KIF26B: variants seen among roughly 807,000 people sequenced by gnomAD.
The protein encoded by KIF26B is kinesin-like protein KIF26B.
KIF26B carries 63 observed loss-of-function variants against 151.2 expected under a neutral mutation model. That is an observed-to-expected ratio of 0.42 (90% confidence interval 0.34 to 0.51). The LOEUF (loss-of-function observed/expected upper bound fraction) is 0.51, where lower values mean the gene tolerates loss of function less well. KIF26B is among the 20% of genes least tolerant of loss of function. The pLI is 0.07. For synonymous variants in KIF26B, 1,357 were observed against 1,262.1 expected (o/e 1.08, Z -1.59); for missense variants, 2,813 against 2,913.6 (o/e 0.97, Z 0.79).
At chr1:245,271,566 T>C (rs904841424) in intron 2 of KIF26B, among the ~76,000 whole-genome samples, 1 of 151,808 alleles carries the variant, frequency 6.6e-6, no homozygotes, top group Non-Finnish European at 1.5e-5. Flanking sequence ...GAAAGGATGT[T>C]GAATTCAGTC....
At chr1:245,202,802 A>G (rs1669325498) in intron 2 of KIF26B, among the ~76,000 whole-genome samples, 1 of 143,032 alleles carries the variant, frequency 7.0e-6, no homozygotes. Flanking sequence ...ACAGCCGGGC[A>G]TGGTGGCGCA....
chr1:245,494,379 C>G (rs557206206), intron 4 of KIF26B, among the ~76,000 whole-genome samples: 1 of 152,270 alleles, frequency 6.6e-6, no homozygotes, highest in East Asian at 1.9e-4. Context: ...AGATACCCCA[C>G]TGGGATCCTT....
intron 2 of KIF26B, among the ~76,000 whole-genome samples, chr1:245,231,008 T>C (rs1573722510): frequency 6.6e-6 from 1 of 151,544 alleles, no homozygotes; most frequent in Non-Finnish European, 1.5e-5. Flanking sequence ...ATCTCAGGCA[T>C]GAAGACGAGA....
At chr1:245,388,770 G>A (rs1673615268) in intron 3 of KIF26B, among the ~76,000 whole-genome samples, 1 of 152,222 alleles carries the variant, frequency 6.6e-6, no homozygotes, top group Non-Finnish European at 1.5e-5. Context: ...TAGCAATGCT[G>A]CTCTGAGTCT....
Position 245,184,050 on chromosome 1 carries a change from G to GTTTGTTTTTTTTTTTTTTTTTTT in KIF26B, c.465+27370_465+27371insGTTTTTTTTTTTTTTTTTTTTTT, listed in dbSNP as rs1668954964. Among the ~76,000 whole-genome samples, 13 of 19,808 alleles carry GTTTGTTTTTTTTTTTTTTTTTTT rather than the reference G, an allele frequency of 6.6e-4. 1 individual carries two copies. The highest frequency in any genetic ancestry group is 1.7e-3 in the African/African-American group (11 of 6,610). 13.0% of individuals were successfully genotyped at this position (19,808 alleles called of 152,430 possible). A position where few individuals can be genotyped will look rare whatever the true frequency, so the allele number is the denominator to read the frequency against. On this transcript the variant is annotated intron_variant, in intron 2 of 14. Coordinates refer to ENST00000407071, the MANE Select transcript of KIF26B (RefSeq NM_018012.4). Reference sequence around the variant, plus strand: ...GCAACAGGTATGGGTGGGAGTTGTTGTTTTTTTTTTTTTTTTTTTGAGCTT... The same window carrying GTTTGTTTTTTTTTTTTTTTTTTT: ...GCAACAGGTATGGGTGGGAGTTGTTGTTTGTTTTTTTTTTTTTTTTTTTTTTTTTTTTTTTTTTTTTTGAGCTT...
rs995742903 is a variant in KIF26B at position 245,261,586 on chromosome 1, TTTTC to T, written c.465+104913_465+104916del. 6.4e-4 allele frequency among the ~76,000 whole-genome samples: 94 copies of T among 147,198 alleles called. 1 individual carries two copies. Among genetic ancestry groups the T allele is most frequent in the African/African-American group, 2.0e-3 (81 of 40,096 alleles). ...GTCCCTCTCTTTCTCTCGTTCTCTCTTTTCTTTCTTTCTCTCAAGACAGGGTCTA... is the reference window on the plus strand; with the variant it reads ...GTCCCTCTCTTTCTCTCGTTCTCTCTTTTCTTTCTCTCAAGACAGGGTCTA... On this transcript the variant is annotated intron_variant, in intron 2 of 14. Transcript: ENST00000407071.
At chr1:245,339,955 C>A (rs971650978) in intron 2 of KIF26B, among the ~76,000 whole-genome samples, 4 of 152,214 alleles carry the variant, frequency 2.6e-5, no homozygotes, top group Non-Finnish European at 4.4e-5. Context: ...CTCTAGCCTA[C>A]CCCAGGCCCA....
Position 245,687,897 on chromosome 1 carries a change from A to G in KIF26B, c.4914A>G (p.Pro1638=). 1 of 1,590,990 alleles carries G rather than the reference A, an allele frequency of 6.3e-7. No homozygotes were observed. Among genetic ancestry groups the G allele is most frequent in the African/African-American group, 1.3e-5 (1 of 74,400 alleles). The change falls in exon 12 of 15, where the codon CCA becomes CCG. Residue 1638 remains proline, a synonymous_variant. Transcript: ENST00000407071. This position sits in a 1 kb window ranked among gnomAD's most constrained non-coding sequence, Gnocchi z 4.9. The part of the protein sequence containing the change: ...NQPAAFPAGL[P]DEPSGKTKDA... Reference sequence around the variant, plus strand: ...CAGCCGCCTTCCCGGCGGGCCTCCCAGACGAGCCTAGCGGCAAGACGAAGG... The same window carrying G: ...CAGCCGCCTTCCCGGCGGGCCTCCCGGACGAGCCTAGCGGCAAGACGAAGG...
rs998129629 is a variant in KIF26B, at chr1:245,318,051, G to T, written c.466-48783G>T. On this transcript the variant is annotated intron_variant, in intron 2 of 14. Transcript: ENST00000407071. This position sits in a 1 kb window ranked among gnomAD's most constrained non-coding sequence, Gnocchi z 4.0. ...GTGCAGCGCCTGACCTCTCTCCAGAGGCACCCTCGTTTAGAAGCATAGATG... is the reference window on the plus strand; with the variant it reads ...GTGCAGCGCCTGACCTCTCTCCAGATGCACCCTCGTTTAGAAGCATAGATG... Among the ~76,000 whole-genome samples, 1 of 152,142 alleles carries T rather than the reference G, an allele frequency of 6.6e-6. No homozygotes were observed. Among genetic ancestry groups the T allele is most frequent in the Non-Finnish European group, 1.5e-5 (1 of 68,018 alleles).
chr1:245,413,112 G>A (rs865804787), intron 3 of KIF26B, among the ~76,000 whole-genome samples: 5 of 152,214 alleles, frequency 3.3e-5, no homozygotes, highest in African/African-American at 1.2e-4. Context: ...ATCCCGTGGT[G>A]AAAATTTAGT....
chr1:245,519,886 A>C (rs940477979), intron 4 of KIF26B, among the ~76,000 whole-genome samples: 25 of 152,226 alleles, frequency 1.6e-4, no homozygotes, highest in Non-Finnish European at 3.1e-4. Context: ...TATACGGTGC[A>C]TGACTGTATT....
intron 14 of KIF26B, among the ~76,000 whole-genome samples, chr1:245,700,692 C>CACTGAGGAGTT (rs2044758581): frequency 6.6e-6 from 1 of 152,168 alleles, no homozygotes; most frequent in Non-Finnish European, 1.5e-5. Context: ...TTGCATGATG[C>CACTGAGGAGTT]ACTGAGGAGT....
chr1:245,379,527 A>G (rs115394689), intron 3 of KIF26B, among the ~76,000 whole-genome samples: 3,446 of 151,012 alleles, frequency 0.023, 67 homozygotes, highest in Non-Finnish European at 0.035. Flanking sequence ...GAAACACAGG[A>G]CTCAGCCCTT....
At position 245,318,723 on chromosome 1, in the gene KIF26B, A is replaced by G. The variant is rs778613617; in HGVS notation, c.466-48111A>G. Among the ~76,000 whole-genome samples the G allele has an allele frequency of 1.7e-4, 26 of 152,224 alleles. No individual in the cohort carries two copies. Among genetic ancestry groups the G allele is most frequent in the African/African-American group, 5.3e-4 (22 of 41,544 alleles). On this transcript the variant is annotated intron_variant, in intron 2 of 14. Coordinates refer to ENST00000407071, the MANE Select transcript of KIF26B (RefSeq NM_018012.4). This position sits in a 1 kb window ranked among gnomAD's most constrained non-coding sequence, Gnocchi z 4.0. ...AACTTTGCAAACTGTACATAACTCAATTCCCCAGGCTGCTGTGTGTCCGTC... is the reference window on the plus strand; with the variant it reads ...AACTTTGCAAACTGTACATAACTCAGTTCCCCAGGCTGCTGTGTGTCCGTC...
At chr1:245,279,734 G>A (rs1311513160) in intron 2 of KIF26B, among the ~76,000 whole-genome samples, 2 of 151,436 alleles carry the variant, frequency 1.3e-5, no homozygotes, top group Non-Finnish European at 2.9e-5. Context: ...TTCTCCCCAA[G>A]TAATCACTCT....
intron 4 of KIF26B, among the ~76,000 whole-genome samples, chr1:245,439,960 G>A (rs1339460276): frequency 1.3e-5 from 2 of 152,196 alleles, no homozygotes; most frequent in South Asian, 2.1e-4. Flanking sequence ...GGTGGCTCAC[G>A]CCTGTAATCC....
chr1:245,556,348 T>A (rs148923670), intron 5 of KIF26B, among the ~76,000 whole-genome samples: 7 of 110,270 alleles, frequency 6.3e-5, no homozygotes, highest in African/African-American at 2.2e-4. Context: ...CCTTCCTCCC[T>A]CCTCCTCCTC....
At chr1:245,617,384 C>A (rs927651943) in intron 9 of KIF26B, among the ~76,000 whole-genome samples, 5 of 152,202 alleles carry the variant, frequency 3.3e-5, no homozygotes, top group African/African-American at 1.2e-4. Context: ...CCATACCTAG[C>A]CTAATCTGCT....
At chr1:245,386,104 C>T (rs576483879) in intron 3 of KIF26B, among the ~76,000 whole-genome samples, 2 of 151,992 alleles carry the variant, frequency 1.3e-5, no homozygotes, top group South Asian at 2.1e-4. Flanking sequence ...AGCCAGGCAT[C>T]GTGGCACACA....
Sources: allele counts gnomAD v4.1 joint callset (sites outside exome capture counted in the v4.1 genomes callset), GRCh38; gene constraint gnomAD v4.1.1; non-coding constraint Gnocchi (gnomAD v3.1); transcripts MANE v1.5; gene names NCBI Gene and HGNC (gene_info 2026-07-23, HGNC 2026-07-21).